The following TK2 variants were observed in gnomAD, a reference collection of about 807,000 sequenced individuals.
TK2 encodes thymidine kinase 2, also known as thymidine kinase 2, mitochondrial.
In TK2, 35 loss-of-function variants were observed where a neutral mutation model predicts 41.9. The observed-to-expected ratio is 0.84, with a 90% CI of 0.64 to 1.11. The LOEUF is 1.11. TK2 is among the 50% of genes least tolerant of loss of function. The probability of loss-of-function intolerance (pLI) is 0.00; values close to 1 mark genes in which losing one functional copy is unlikely to be tolerated. For missense variants in TK2, 320 were observed against 351.1 expected (o/e 0.91, Z 0.71); for synonymous variants, 128 against 129.1 (o/e 0.99, Z 0.06).
In TK2 at chr16:66,549,929, G is replaced by C; in HGVS notation, c.124+9C>G. 1 of 1,353,454 alleles carries C rather than the reference G, an allele frequency of 7.4e-7. No homozygotes were observed. The highest frequency in any genetic ancestry group is 9.4e-7 in the Non-Finnish European group (1 of 1,061,808). 83.8% of individuals were successfully genotyped at this position (1,353,454 alleles called of 1,614,324 possible). On this transcript the variant is annotated intron_variant, in intron 1 of 9. Transcript: ENST00000544898. ...GGCTCCTGGGAGGCGGGACCAAGACGCGCGTTACCGGGAGGCCAGGCCCGG... is the reference window on the plus strand; with the variant it reads ...GGCTCCTGGGAGGCGGGACCAAGACCCGCGTTACCGGGAGGCCAGGCCCGG...
At chr16:66,538,970 T>A (rs1041218061) in intron 3 of TK2, among the ~76,000 whole-genome samples, 4 of 152,264 alleles carry the variant, frequency 2.6e-5, no homozygotes, top group Admixed American at 2.6e-4. Context: ...GGTTTCCTCA[T>A]CTAAAACTGT....
chr16:66,511,851 A>G lies in TK2; in HGVS notation c.*117T>C. The stretch of plus-strand genomic sequence containing the variant: ...AGCAAAGGAGATGAGACCATTAGGA[A>G]AATCAAGCTGGCCAGACACAAAGCC... On this transcript the variant is annotated 3_prime_UTR_variant, in exon 10 of 10. Transcript: ENST00000544898. 1 of 853,768 alleles carries G rather than the reference A, an allele frequency of 1.2e-6. No individual in the cohort carries two copies. The highest frequency in any genetic ancestry group is 2.0e-6 in the Non-Finnish European group (1 of 508,544). The allele number at this position is 853,768 out of a possible 1,614,324, so 52.9% of individuals were successfully genotyped here. A position where few individuals can be genotyped will look rare whatever the true frequency, so the allele number is the denominator to read the frequency against.
intron 1 of TK2, 69 bp downstream of exon 1, chr16:66,549,869 G>A (rs1965733704): frequency 7.8e-7 from 1 of 1,288,536 alleles, no homozygotes; most frequent in South Asian, 2.7e-5. Flanking sequence ...GCGGGTTCCG[G>A]AAGCCGAGGG....
In TK2 at chr16:66,517,140, G is replaced by A. The variant is rs368846539; in HGVS notation, c.614C>T (p.Pro205Leu). 1.3e-5 allele frequency: 21 copies of A among 1,613,954 alleles called. No homozygotes were observed. The highest frequency in any genetic ancestry group is 1.1e-4 in the African/African-American group (8 of 74,914). ...CAAGTCAAAGAGGCCTCTTACCAGC[G>A]GAATGACCTTCTCCTCTTCCCTGCA... ...KRCREEEKVI[P>L]LEYLEAIHHL... Residue 205 changes from proline to leucine, a missense_variant, in exon 8 of 10, where the codon CCG (proline) becomes CTG (leucine). By Grantham distance (98) the Pro-to-Leu change is moderately conservative. Coordinates refer to ENST00000544898, the MANE Select transcript of TK2 (RefSeq NM_004614.5). The surrounding 1 kb of genome is among the most constrained non-coding windows in gnomAD (Gnocchi z 4.3).
At chr16:66,538,107 G>A (rs1464330209) in intron 3 of TK2, among the ~76,000 whole-genome samples, 1 of 152,124 alleles carries the variant, frequency 6.6e-6, no homozygotes, top group Non-Finnish European at 1.5e-5. Context: ...AGGTTGCAGT[G>A]AGCCAAGATC....
chr16:66,512,740 G>A (rs529360670), intron 9 of TK2, among the ~76,000 whole-genome samples: 4 of 152,312 alleles, frequency 2.6e-5, no homozygotes, highest in Admixed American at 6.5e-5. Context: ...CCGAGATTGC[G>A]TCACTGCATT....
intron 3 of TK2, among the ~76,000 whole-genome samples, chr16:66,541,389 T>C (rs896430940): frequency 1.3e-5 from 2 of 150,158 alleles, no homozygotes; most frequent in African/African-American, 2.5e-5. Flanking sequence ...ATTTGGCATA[T>C]GTTATGTGAA....
chr16:66,513,254 C>T (rs1247228400), intron 9 of TK2, among the ~76,000 whole-genome samples: 1 of 152,166 alleles, frequency 6.6e-6, no homozygotes, highest in Non-Finnish European at 1.5e-5. Context: ...AACGCAGAGA[C>T]ATTAGTGGGC....
intron 6 of TK2, among the ~76,000 whole-genome samples, chr16:66,519,837 G>A (rs576027309): frequency 7.4e-4 from 112 of 152,336 alleles, no homozygotes; most frequent in African/African-American, 2.4e-3. Context: ...CAGTGGGGAG[G>A]GGGCAGGGAG....
intron 8 of TK2, 29 bp from the exon 9 acceptor site, chr16:66,513,840 G>C: frequency 6.2e-7 from 1 of 1,602,220 alleles, no homozygotes; most frequent in Non-Finnish European, 8.5e-7. Context: ...CAGTCTGTCG[G>C]GAGTGGACAG....
intron 6 of TK2, 149 bp from the exon 7 acceptor site, chr16:66,518,026 G>C: frequency 6.8e-6 from 5 of 734,880 alleles, no homozygotes; most frequent in Non-Finnish European, 1.2e-5. Flanking sequence ...TGGACATGCA[G>C]TGACAAGGAC....
At chr16:66,546,944 C>A (rs1255277767) in intron 2 of TK2, among the ~76,000 whole-genome samples, 1 of 151,930 alleles carries the variant, frequency 6.6e-6, no homozygotes, top group African/African-American at 2.4e-5. Context: ...GTAGAAACAG[C>A]ATTTTGCCAT....
intron 6 of TK2, among the ~76,000 whole-genome samples, chr16:66,521,109 C>T (rs547708232): frequency 6.6e-6 from 1 of 152,348 alleles, no homozygotes; most frequent in South Asian, 2.1e-4. Context: ...AGACTCTGTC[C>T]AATCCCAGAG....
At position 66,517,044 on chromosome 16, in the gene TK2, T is replaced by G; in HGVS notation, c.618+92A>C. On this transcript the variant is annotated intron_variant, in intron 8 of 9. Transcript: ENST00000544898. This position sits in a 1 kb window ranked among gnomAD's most constrained non-coding sequence, Gnocchi z 4.3. ...TCTCTCTCTGCAAACAAGGGCACAATGATCTCATGGGGGTGGGGCCGGGAG... is the reference window on the plus strand; with the variant it reads ...TCTCTCTCTGCAAACAAGGGCACAAGGATCTCATGGGGGTGGGGCCGGGAG... 3.2e-5 allele frequency: 34 copies of G among 1,078,698 alleles called. No individual in the cohort carries two copies. The highest frequency in any genetic ancestry group is 4.2e-5 in the Non-Finnish European group (29 of 692,752). 66.8% of individuals were successfully genotyped at this position (1,078,698 alleles called of 1,614,324 possible).
At chr16:66,523,515 A>G (rs13334391) in intron 6 of TK2, among the ~76,000 whole-genome samples, 20,747 of 152,170 alleles carry the variant, frequency 0.14, 2,713 homozygotes, top group African/African-American at 0.34. Flanking sequence ...CTGCATTTTG[A>G]AGGAGCCGAA....
At chr16:66,526,174 G>T (rs1345229637) in intron 6 of TK2, among the ~76,000 whole-genome samples, 1 of 152,152 alleles carries the variant, frequency 6.6e-6, no homozygotes, top group African/African-American at 2.4e-5. Context: ...TTTGGGGGTA[G>T]GATTGGGGAA....
At chr16:66,521,442 A>G (rs569733277) in intron 6 of TK2, among the ~76,000 whole-genome samples, 5 of 152,282 alleles carry the variant, frequency 3.3e-5, no homozygotes, top group Admixed American at 2.0e-4. Context: ...TCCCTTCCCA[A>G]TGCTCTTGGA....
chr16:66,520,405 CA>C (rs1482362750), intron 6 of TK2, among the ~76,000 whole-genome samples: 1 of 152,186 alleles, frequency 6.6e-6, no homozygotes, highest in Non-Finnish European at 1.5e-5. Context: ...AGGGTAGGCA[CA>C]ATCGGTCTAA....
At chr16:66,547,943 T>C (rs1245748096) in intron 2 of TK2, 1 of 1,287,804 alleles carries the variant, frequency 7.8e-7, no homozygotes, top group African/African-American at 1.5e-5. Flanking sequence ...GCTCAATAAC[T>C]AATAAATAGC....
Sources: allele counts gnomAD v4.1 joint callset (sites outside exome capture counted in the v4.1 genomes callset), GRCh38; gene constraint gnomAD v4.1.1; non-coding constraint Gnocchi (gnomAD v3.1); transcripts MANE v1.5; gene names NCBI Gene and HGNC (gene_info 2026-07-23, HGNC 2026-07-21).